The following SUDS3 variants were observed in gnomAD, a reference collection of about 807,000 sequenced individuals.
SUDS3 encodes sin3 histone deacetylase corepressor complex component SDS3.
SUDS3 carries 23 observed loss-of-function variants against 53.5 expected under a neutral mutation model. The observed-to-expected ratio is 0.43, with a 90% CI of 0.31 to 0.61. SUDS3 has a LOEUF of 0.61. Ranked by LOEUF, SUDS3 falls within the 20% of genes least tolerant of loss-of-function variation. The pLI, the probability that SUDS3 is intolerant of heterozygous loss-of-function variation, is 0.10. For synonymous variants in SUDS3, 150 were observed against 148.5 expected (o/e 1.01, Z -0.08); for missense variants, 291 against 405.9 (o/e 0.72, Z 2.43).
chr12:118,411,209 T>A (rs989548164), intron 11 of SUDS3, 52 bp downstream of exon 11: 11 of 1,514,704 alleles, frequency 7.3e-6, no homozygotes, highest in Non-Finnish European at 9.9e-6. Flanking sequence ...TACTGCGAAG[T>A]GTTGGTAGGG....
chr12:118,380,978 C>T lies in SUDS3; in HGVS notation c.212+747C>T, dbSNP rs777826989. ...TTGGCCTTCCAAAGTGCTGGGATTA[C>T]AGGCGCGAGCCACTGCGCCCGGACC... is the stretch of plus-strand genomic sequence containing the variant. On this transcript the variant is annotated intron_variant, in intron 2 of 11. Coordinates refer to ENST00000543473, the MANE Select transcript of SUDS3 (RefSeq NM_022491.3). Among the ~76,000 whole-genome samples, 111 of 152,274 alleles carry T rather than the reference C, an allele frequency of 7.3e-4. 1 individual carries two copies. Among genetic ancestry groups the T allele is most frequent in the Non-Finnish European group, 2.1e-4 (14 of 68,008 alleles).
intron 6 of SUDS3, among the ~76,000 whole-genome samples, chr12:118,395,120 T>C (rs1265390598): frequency 6.6e-6 from 1 of 151,426 alleles, no homozygotes; most frequent in African/African-American, 2.4e-5. Flanking sequence ...CACACAAATA[T>C]CTGGAGAGGG....
intron 10 of SUDS3, among the ~76,000 whole-genome samples, chr12:118,408,543 G>C (rs55659011): frequency 6.7e-6 from 1 of 148,902 alleles, no homozygotes; most frequent in African/African-American, 2.5e-5. Flanking sequence ...CATGTTGGTC[G>C]GGCTGGTCTT....
At chr12:118,408,461 G>A (rs1044609707) in intron 10 of SUDS3, among the ~76,000 whole-genome samples, 1 of 151,842 alleles carries the variant, frequency 6.6e-6, no homozygotes, top group East Asian at 1.9e-4. Context: ...AGCCTCCCGA[G>A]TACCTGGGAT....
rs752664756 is a variant in SUDS3, at chr12:118,376,711, T to TGGCCCC, written c.32_37dup (p.Pro11_Ala12dup). On this transcript the variant is annotated inframe_insertion, in exon 1 of 12. Transcript: ENST00000543473. ...GGCGACATGAGTGCCGCGGGGCTGC[T>TGGCCCC]GGCCCCGGCCCCGGCCCAGGCTGGA... The TGGCCCC allele has an allele frequency of 2.9e-5, 44 of 1,518,842 alleles. No individual in the cohort carries two copies. The highest frequency in any genetic ancestry group is 1.6e-4 in the Admixed American group (8 of 48,740). The allele number at this position is 1,518,842 out of a possible 1,614,324, so 94.1% of individuals were successfully genotyped here. A position where few individuals can be genotyped will look rare whatever the true frequency, so the allele number is the denominator to read the frequency against.
chr12:118,389,999 T>C, intron 5 of SUDS3, 53 bp downstream of exon 5: 1 of 1,610,192 alleles, frequency 6.2e-7, no homozygotes, highest in Non-Finnish European at 8.5e-7. Flanking sequence ...ACTGGAATCT[T>C]GCAGTCCTGA....
intron 4 of SUDS3, among the ~76,000 whole-genome samples, chr12:118,387,495 G>A (rs1000118258): frequency 3.9e-5 from 6 of 152,152 alleles, no homozygotes. Context: ...TAGAACAGCA[G>A]AGTGAGTATT....
intron 6 of SUDS3, 64 bp from the exon 7 acceptor site, chr12:118,400,594 TA>T: frequency 6.8e-7 from 1 of 1,480,784 alleles, no homozygotes; most frequent in African/African-American, 1.4e-5. Context: ...ATTCTTATAC[TA>T]TAGAAATTCT....
chr12:118,381,161 A>C (rs1162954814), intron 2 of SUDS3, among the ~76,000 whole-genome samples: 1 of 152,102 alleles, frequency 6.6e-6, no homozygotes, highest in Non-Finnish European at 1.5e-5. Context: ...CACGATTGAA[A>C]AGCAGGCTGC....
chr12:118,377,552 G>A (rs2046011863), intron 1 of SUDS3, among the ~76,000 whole-genome samples: 1 of 148,910 alleles, frequency 6.7e-6, no homozygotes, highest in South Asian at 2.1e-4. Context: ...GAGAGGGAGA[G>A]ATTTGCTTAA....
At chr12:118,385,680 T>C (rs548169831) in intron 3 of SUDS3, among the ~76,000 whole-genome samples, 201 of 152,340 alleles carry the variant, frequency 1.3e-3, no homozygotes, top group Admixed American at 4.6e-3. Context: ...TTTCAAGTGC[T>C]AAAATAGCCA....
chr12:118,393,149 A>G (rs2046182822), intron 6 of SUDS3, among the ~76,000 whole-genome samples: 1 of 152,164 alleles, frequency 6.6e-6, no homozygotes, highest in South Asian at 2.1e-4. Context: ...TAGAAGGGTA[A>G]TTAACATTTC....
At chr12:118,407,451 A>G (rs1030451070) in intron 10 of SUDS3, among the ~76,000 whole-genome samples, 13 of 152,096 alleles carry the variant, frequency 8.5e-5, no homozygotes, top group African/African-American at 2.4e-4. Flanking sequence ...AGTGATTCCA[A>G]AGGAGGCGGA....
chr12:118,382,915 G>T (rs914608761), intron 2 of SUDS3, among the ~76,000 whole-genome samples: 2 of 151,786 alleles, frequency 1.3e-5, no homozygotes, highest in African/African-American at 4.8e-5. Context: ...TGATCCACCC[G>T]CCTCGGCCTC....
intron 10 of SUDS3, among the ~76,000 whole-genome samples, chr12:118,410,579 A>T (rs201370910): frequency 0.019 from 2,428 of 128,264 alleles, 37 homozygotes; most frequent in African/African-American, 0.043. Flanking sequence ...TTATTTATTT[A>T]TTTTATTTAT....
In SUDS3 at chr12:118,380,337, T is replaced by G. The variant is rs892636931; in HGVS notation, c.212+106T>G. 8 of 962,294 alleles carry G rather than the reference T, an allele frequency of 8.3e-6. No homozygotes were observed. The Admixed American group carries it at 1.4e-4, about 17-fold the overall frequency. 59.6% of individuals were successfully genotyped at this position (962,294 alleles called of 1,614,324 possible). A position where few individuals can be genotyped will look rare whatever the true frequency, so the allele number is the denominator to read the frequency against. ...TCTCAGATGCTCCAAAATCTAAAAC[T>G]TCCTGAGTGCCAGCATGATGCTCAA... On this transcript the variant is annotated intron_variant, in intron 2 of 11. Coordinates refer to ENST00000543473, the MANE Select transcript of SUDS3 (RefSeq NM_022491.3).
chr12:118,386,956 C>T (rs1472573652), intron 4 of SUDS3, among the ~76,000 whole-genome samples: 1 of 152,196 alleles, frequency 6.6e-6, no homozygotes, highest in Admixed American at 6.5e-5. Context: ...TGGGTGCCAG[C>T]AGAGTCCTTG....
At chr12:118,378,380 T>A (rs116907648) in intron 1 of SUDS3, among the ~76,000 whole-genome samples, 457 of 152,338 alleles carry the variant, frequency 3.0e-3, no homozygotes, top group Non-Finnish European at 4.7e-3. Context: ...AAAAATTGGA[T>A]CTGTACTGAA....
At chr12:118,379,730 ATTG>A (rs2046037286) in intron 1 of SUDS3, among the ~76,000 whole-genome samples, 1 of 152,174 alleles carries the variant, frequency 6.6e-6, no homozygotes, top group African/African-American at 2.4e-5. Flanking sequence ...AGTTGCCAGC[ATTG>A]TTGTTTCTGC....
Sources: gnomAD v4.1 joint callset for allele counts (sites outside exome capture counted in the v4.1 genomes callset) on GRCh38, gnomAD v4.1.1 for gene constraint, MANE v1.5 for transcripts, NCBI Gene and HGNC (gene_info 2026-07-23, HGNC 2026-07-21) for gene names.